Variants in GPAM observed in about 807,000 individuals in gnomAD.
GPAM encodes the protein glycerol-3-phosphate acyltransferase 1, mitochondrial.
In GPAM, 56 loss-of-function variants were observed where a neutral mutation model predicts 105.0. That is an observed-to-expected ratio of 0.53 (90% CI 0.43 to 0.67). The LOEUF is 0.67. Ranked by LOEUF, GPAM falls within the 30% of genes least tolerant of loss-of-function variation. GPAM has a pLI of 0.00. For missense variants in GPAM, 855 were observed against 989.8 expected (o/e 0.86, Z 1.83); for synonymous variants, 368 against 354.4 (o/e 1.04, Z -0.43).
intron 1 of GPAM, among the ~76,000 whole-genome samples, chr10:112,211,426 C>A (rs2133306891): frequency 6.6e-6 from 1 of 152,334 alleles, no homozygotes; most frequent in East Asian, 1.9e-4. Context: ...CAGAGAGGTG[C>A]AGGTCCATGG....
chr10:112,204,260 T>C (rs985018195), intron 1 of GPAM, among the ~76,000 whole-genome samples: 3 of 151,192 alleles, frequency 2.0e-5, no homozygotes, highest in Non-Finnish European at 3.0e-5. Context: ...TGTTCTTTTT[T>C]TTTTTTTTTT....
intron 9 of GPAM, among the ~76,000 whole-genome samples, chr10:112,169,285 T>G (rs549018852): frequency 2.6e-5 from 4 of 152,234 alleles, no homozygotes; most frequent in Non-Finnish European, 5.9e-5. Context: ...TTTAAAATCC[T>G]GCCCAGGGTC....
At chr10:112,214,699 G>A (rs1475049121) in intron 1 of GPAM, among the ~76,000 whole-genome samples, 1 of 152,196 alleles carries the variant, frequency 6.6e-6, no homozygotes, top group African/African-American at 2.4e-5. Flanking sequence ...AACATCACGA[G>A]GATTGGTACC....
At chr10:112,160,395 AG>A (rs1847100636) in intron 16 of GPAM, 10 of 953,930 alleles carry the variant, frequency 1.0e-5, no homozygotes, top group Non-Finnish European at 1.2e-5. Flanking sequence ...CTGAAAAATA[AG>A]GGTAATGCTA....
intron 14 of GPAM, among the ~76,000 whole-genome samples, chr10:112,163,123 T>C (rs1410376370): frequency 6.6e-6 from 1 of 152,180 alleles, no homozygotes; most frequent in Non-Finnish European, 1.5e-5. Context: ...TACACAATTG[T>C]ACAGCTTGGA....
chr10:112,157,556 G>T (rs966909743), intron 18 of GPAM, among the ~76,000 whole-genome samples, 167 bp from the exon 19 acceptor site: 1 of 152,124 alleles, frequency 6.6e-6, no homozygotes, highest in East Asian at 1.9e-4. Flanking sequence ...ACTCAGTCAG[G>T]AGACAGCAGG....
intron 5 of GPAM, among the ~76,000 whole-genome samples, chr10:112,177,399 G>A (rs1847426462): frequency 6.6e-6 from 1 of 152,128 alleles, no homozygotes; most frequent in African/African-American, 2.4e-5. Flanking sequence ...TTGCCTCACA[G>A]ACATTCACAC....
intron 9 of GPAM, among the ~76,000 whole-genome samples, chr10:112,169,474 T>C (rs1304625248): frequency 6.6e-6 from 1 of 152,196 alleles, no homozygotes; most frequent in Non-Finnish European, 1.5e-5. Flanking sequence ...TAACCATCTT[T>C]CCAAAACATG....
intron 21 of GPAM, chr10:112,154,032 A>C (rs989274326): frequency 2.6e-5 from 6 of 226,582 alleles, no homozygotes; most frequent in Non-Finnish European, 4.4e-5. Context: ...ATGAATCATG[A>C]AGGTAAAGGA....
At chr10:112,195,796 G>A (rs979287829) in intron 1 of GPAM, among the ~76,000 whole-genome samples, 6 of 152,220 alleles carry the variant, frequency 3.9e-5, no homozygotes, top group African/African-American at 1.4e-4. Flanking sequence ...AGGACAGGGT[G>A]CATGGCTGTT....
the GPAM span, among the ~76,000 whole-genome samples, chr10:112,222,948 C>G: frequency 1.3e-5 from 2 of 152,116 alleles, no homozygotes; most frequent in Non-Finnish European, 2.9e-5. Flanking sequence ...GACAGCCTCT[C>G]GGTGCTGTCC....
chr10:112,153,300 G>C lies in GPAM; in HGVS notation c.*250C>G. On this transcript the variant is annotated 3_prime_UTR_variant, in exon 22 of 22. Transcript: ENST00000348367. ...AAATAATTTATTGAGATTTCATCTT[G>C]TAGTCTACGGATTATGAGTTGCGAA... The C allele has an allele frequency of 7.5e-7, 1 of 1,338,890 alleles. No homozygotes were observed. The highest frequency in any genetic ancestry group is 1.7e-5 in the South Asian group (1 of 59,930). The allele number at this position is 1,338,890 out of a possible 1,614,324, so 82.9% of individuals were successfully genotyped here.
intron 1 of GPAM, among the ~76,000 whole-genome samples, chr10:112,214,109 T>G (rs1157592015): frequency 6.6e-6 from 1 of 152,034 alleles, no homozygotes; most frequent in East Asian, 1.9e-4. Flanking sequence ...ATCTCCACCA[T>G]CCTGTGGGGG....
intron 1 of GPAM, among the ~76,000 whole-genome samples, chr10:112,203,360 T>G (rs1847821065): frequency 6.6e-6 from 1 of 152,232 alleles, no homozygotes; most frequent in Admixed American, 6.5e-5. Context: ...TTGTGTAATT[T>G]TCTAAACATG....
chr10:112,152,558 CTG>C lies in GPAM; in HGVS notation c.*990_*991del, dbSNP rs1348442720. ...CCTGGACTGGGGTGCAGTACACAAT[CTG>C]TGTGCAGTACAGAAAGCCCTCATCA... On this transcript the variant is annotated 3_prime_UTR_variant, in exon 22 of 22. Transcript: ENST00000348367. The C allele has an allele frequency of 1.8e-5, 18 of 985,210 alleles. No homozygotes were observed. The Admixed American group carries it at 3.1e-4, about 17-fold the overall frequency. The allele number at this position is 985,210 out of a possible 1,614,324, so 61.0% of individuals were successfully genotyped here.
At position 112,158,408 on chromosome 10, in the gene GPAM, C is replaced by T. The variant is rs1435980049; in HGVS notation, c.1903-15G>A. On this transcript the variant is annotated splice_polypyrimidine_tract_variant and intron_variant, in intron 17 of 21. Transcript: ENST00000348367. ...GTCTGGCAAGGCTGAAAAGAAAATT[C>T]ATTTAAATATAAATGCCACCATTTT... is the stretch of plus-strand genomic sequence containing the variant. 1.3e-6 allele frequency: 2 copies of T among 1,508,056 alleles called. No individual in the cohort carries two copies. The highest frequency in any genetic ancestry group is 1.8e-6 in the Non-Finnish European group (2 of 1,083,358). 93.4% of individuals were successfully genotyped at this position (1,508,056 alleles called of 1,614,324 possible).
rs141667251 is a variant in GPAM, at chr10:112,164,563, G to A, written c.1269C>T (p.Ser423=). 877 of 1,607,194 alleles carry A rather than the reference G, an allele frequency of 5.5e-4. No individual in the cohort carries two copies. The highest frequency in any genetic ancestry group is 7.2e-4 in the Non-Finnish European group (845 of 1,173,930). ...QSQKPVSALL[S]LEQALLPAIL... ...TAGCTGGTAACAACGCTTGCTCCAG[G>A]GAAAGTAGAGCAGACACCGGTTTCT... The change falls in exon 13 of 22, where the codon TCC becomes TCT. Residue 423 remains serine (S), a synonymous_variant. Coordinates refer to ENST00000348367, the MANE Select transcript of GPAM (RefSeq NM_001244949.2).
intron 1 of GPAM, among the ~76,000 whole-genome samples, chr10:112,195,294 A>G (rs920327468): frequency 2.6e-5 from 4 of 152,162 alleles, no homozygotes; most frequent in Non-Finnish European, 4.4e-5. Flanking sequence ...TTAGAACAAA[A>G]ACTAAAGCCT....
At chr10:112,178,083 C>T (rs750545925) in intron 4 of GPAM, 26 bp from the exon 5 acceptor site, 1 of 1,110,796 alleles carries the variant, frequency 9.0e-7, no homozygotes, top group South Asian at 1.2e-5. Context: ...TAAATGTAGA[C>T]ATAAATACAC....
Sources: gnomAD v4.1 joint callset for allele counts (sites outside exome capture counted in the v4.1 genomes callset) on GRCh38, gnomAD v4.1.1 for gene constraint, MANE v1.5 for transcripts, NCBI Gene and HGNC (gene_info 2026-07-23, HGNC 2026-07-21) for gene names.